Variants in PPFIBP2 observed in about 807,000 individuals in gnomAD.
The protein encoded by PPFIBP2 is liprin-beta-2.
Under a neutral mutation model 118.3 loss-of-function variants are expected in PPFIBP2, and 118 were observed. The ratio of observed to expected loss-of-function variants is 1.00; its 90% CI spans 0.86 to 1.16. The LOEUF (loss-of-function observed/expected upper bound fraction) is 1.16. Ranked by LOEUF, PPFIBP2 falls within the 50% of genes most tolerant of loss-of-function variation. The pLI, the probability that PPFIBP2 is intolerant of heterozygous loss-of-function variation, is 0.00. For missense variants in PPFIBP2, 1,195 were observed against 1,073.1 expected (o/e 1.11, Z -1.59); for synonymous variants, 414 against 397.4 (o/e 1.04, Z -0.50).
downstream of PPFIBP2, among the ~76,000 whole-genome samples, chr11:7,657,713 G>A (rs917436196): frequency 1.3e-5 from 2 of 152,144 alleles, no homozygotes; most frequent in Admixed American, 6.5e-5. Flanking sequence ...CTTCATGAGG[G>A]AAAATCCTGT....
intron 1 of PPFIBP2, among the ~76,000 whole-genome samples, chr11:7,519,199 G>A (rs923665006): frequency 6.6e-6 from 1 of 152,180 alleles, no homozygotes; most frequent in Non-Finnish European, 1.5e-5. Flanking sequence ...GGCTTGCGGG[G>A]TTAAAGAAGA....
intron 21 of PPFIBP2, among the ~76,000 whole-genome samples, chr11:7,650,308 GCTGT>G (rs1387879759): frequency 1.3e-5 from 2 of 152,086 alleles, no homozygotes; most frequent in East Asian, 1.9e-4. Context: ...TGCTACCTTT[GCTGT>G]CTATCTCCTA....
the PPFIBP2 span, among the ~76,000 whole-genome samples, chr11:7,662,551 C>T: frequency 6.6e-6 from 1 of 151,148 alleles, no homozygotes; most frequent in South Asian, 2.1e-4. Flanking sequence ...TTGAGGGTAA[C>T]CCGACCTTTC....
chr11:7,615,464 C>T (rs994707386), intron 6 of PPFIBP2, among the ~76,000 whole-genome samples: 5 of 151,970 alleles, frequency 3.3e-5, no homozygotes, highest in African/African-American at 9.7e-5. Context: ...GTTTTGGGTA[C>T]ACCACACACT....
chr11:7,528,464 A>G (rs1034065979), intron 1 of PPFIBP2, among the ~76,000 whole-genome samples: 1 of 152,210 alleles, frequency 6.6e-6, no homozygotes, highest in African/African-American at 2.4e-5. Context: ...ATAAGCCTGA[A>G]TCTTCTCTAA....
chr11:7,524,338 C>G (rs1001418910), intron 1 of PPFIBP2, among the ~76,000 whole-genome samples: 2 of 152,134 alleles, frequency 1.3e-5, no homozygotes, highest in African/African-American at 4.8e-5. Context: ...ATGTTCCCTC[C>G]AAATCAAAGA....
chr11:7,548,262 G>GATCCTTATCCACACCATCTCTGAAGCC (rs1852546540), intron 1 of PPFIBP2: 1 of 152,212 alleles, frequency 6.6e-6, no homozygotes, highest in Non-Finnish European at 1.5e-5. Context: ...TTGGTCTTGA[G>GATCCTTATCCACACCATCTCTGAAGCC]ATCCTTATCC....
At chr11:7,531,757 G>A (rs1850709289) in intron 1 of PPFIBP2, among the ~76,000 whole-genome samples, 1 of 151,558 alleles carries the variant, frequency 6.6e-6, no homozygotes. Flanking sequence ...AATTATGGAG[G>A]CCAGAACTCT....
At chr11:7,551,580 A>G (rs1161557660) in intron 2 of PPFIBP2, among the ~76,000 whole-genome samples, 1 of 152,140 alleles carries the variant, frequency 6.6e-6, no homozygotes, top group African/African-American at 2.4e-5. Flanking sequence ...TGTGTTGGCT[A>G]CCTTTTGCCT....
intron 8 of PPFIBP2, among the ~76,000 whole-genome samples, chr11:7,627,855 G>A (rs1850229389): frequency 6.6e-6 from 1 of 152,148 alleles, no homozygotes; most frequent in African/African-American, 2.4e-5. Context: ...TCACTCAACT[G>A]TAGATTTTTT....
chr11:7,571,244 TG>T (rs1160922445), intron 3 of PPFIBP2, among the ~76,000 whole-genome samples: 1 of 152,184 alleles, frequency 6.6e-6, no homozygotes, highest in African/African-American at 2.4e-5. Context: ...AGACCCAGGC[TG>T]GGGAGCACAG....
At chr11:7,651,022 C>A in intron 22 of PPFIBP2, 57 bp downstream of exon 22, 2 of 1,565,252 alleles carry the variant, frequency 1.3e-6, no homozygotes, top group South Asian at 1.2e-5. Context: ...TATTCAGAAA[C>A]TTATTTATTA....
intron 3 of PPFIBP2, among the ~76,000 whole-genome samples, chr11:7,591,285 AGAGAATGGGC>A (rs1162221604): frequency 1.1e-3 from 162 of 151,914 alleles, no homozygotes; most frequent in African/African-American, 2.9e-3. Flanking sequence ...ATTTCCTGCC[AGAGAATGGGC>A]GGCTGCCAGT....
At chr11:7,590,291 T>A (rs985688045) in intron 3 of PPFIBP2, among the ~76,000 whole-genome samples, 2 of 152,236 alleles carry the variant, frequency 1.3e-5, no homozygotes, top group Non-Finnish European at 2.9e-5. Context: ...TCTGACTTCA[T>A]CAAAAGCAAA....
intron 3 of PPFIBP2, chr11:7,577,349 G>T (rs1057384064): frequency 5.8e-6 from 2 of 342,114 alleles, no homozygotes; most frequent in East Asian, 7.6e-5. Flanking sequence ...GTGTGTGTGT[G>T]TGTTTGTTGG....
In PPFIBP2 at chr11:7,625,130, G is replaced by GT. The variant is rs577862098; in HGVS notation, c.712-638dup. On this transcript the variant is annotated intron_variant, in intron 7 of 23. Coordinates refer to ENST00000299492, the MANE Select transcript of PPFIBP2 (RefSeq NM_003621.5). ...TGTACTTATGAGCTGTGTATACAATGTTTTTTTTTGCAAAAGTATGTAAAT... is the reference window on the plus strand; with the variant it reads ...TGTACTTATGAGCTGTGTATACAATGTTTTTTTTTTGCAAAAGTATGTAAAT... 2.9e-3 allele frequency among the ~76,000 whole-genome samples: 439 copies of GT among 151,334 alleles called. 4 individuals are homozygous for GT. Among genetic ancestry groups the GT allele is most frequent in the African/African-American group, 5.5e-3 (226 of 41,184 alleles).
At chr11:7,597,810 G>C (rs4758204) in intron 5 of PPFIBP2, 137 bp downstream of exon 5, 1 of 706,954 alleles carries the variant, frequency 1.4e-6, no homozygotes, top group Non-Finnish European at 2.4e-6. Flanking sequence ...TCAGTTGTAC[G>C]GTGTTTATAC....
chr11:7,653,344 C>A lies in PPFIBP2; in HGVS notation c.*126C>A. ...CAGAGAATATTCCAGCAATTGTGTACCCCTGGGCCAGTCTCTTTGAACCCT... is the reference window on the plus strand; with the variant it reads ...CAGAGAATATTCCAGCAATTGTGTAACCCTGGGCCAGTCTCTTTGAACCCT... On this transcript the variant is annotated 3_prime_UTR_variant, in exon 24 of 24. Transcript: ENST00000299492. 6.7e-7 allele frequency: 1 copy of A among 1,498,216 alleles called. No homozygotes were observed. The highest frequency in any genetic ancestry group is 8.9e-7 in the Non-Finnish European group (1 of 1,127,896). The allele number at this position is 1,498,216 out of a possible 1,614,324, so 92.8% of individuals were successfully genotyped here.
At chr11:7,597,177 C>G in intron 4 of PPFIBP2, 1 of 1,467,418 alleles carries the variant, frequency 6.8e-7, no homozygotes, top group Non-Finnish European at 9.0e-7. Flanking sequence ...GACCGCTCTT[C>G]CACACGAGGT....
Sources: allele counts gnomAD v4.1 joint callset (sites outside exome capture counted in the v4.1 genomes callset), GRCh38; gene constraint gnomAD v4.1.1; transcripts MANE v1.5; gene names NCBI Gene and HGNC (gene_info 2026-07-23, HGNC 2026-07-21).